DLG2: variants seen among roughly 807,000 people sequenced by gnomAD.
DLG2 encodes discs large MAGUK scaffold protein 2.
DLG2 carries 45 observed loss-of-function variants against 132.5 expected under a neutral mutation model. That is an observed-to-expected ratio of 0.34 (90% CI 0.27 to 0.44). The LOEUF (loss-of-function observed/expected upper bound fraction) is 0.44. DLG2 is among the 20% of genes least tolerant of loss of function. DLG2 has a pLI of 1.00. For synonymous variants in DLG2, 424 were observed against 419.6 expected (o/e 1.01, Z -0.13); for missense variants, 1,045 against 1,196.9 (o/e 0.87, Z 1.87).
intron 11 of DLG2, among the ~76,000 whole-genome samples, chr11:84,052,021 T>A (rs1594133927): frequency 6.6e-6 from 1 of 151,230 alleles, no homozygotes. Flanking sequence ...GAGGGGCGAG[T>A]GATGGAACCT....
chr11:84,171,458 T>G (rs2095820560), intron 8 of DLG2, among the ~76,000 whole-genome samples: 1 of 152,182 alleles, frequency 6.6e-6, no homozygotes, highest in South Asian at 2.1e-4. Context: ...TAGCTCCTAC[T>G]TATAAGTGAG....
At chr11:83,643,761 C>T (rs1371397786) in intron 18 of DLG2, 1 of 152,014 alleles carries the variant, frequency 6.6e-6, no homozygotes, top group Non-Finnish European at 1.5e-5. Context: ...TATGGAGGCT[C>T]ACAGAGGCTA....
chr11:85,509,410 G>A (rs1397226811), intron 3 of DLG2, among the ~76,000 whole-genome samples: 4 of 151,996 alleles, frequency 2.6e-5, no homozygotes, highest in Non-Finnish European at 5.9e-5. Context: ...TAAGAAGTAA[G>A]TGCCTTACTA....
intron 17 of DLG2, among the ~76,000 whole-genome samples, chr11:83,817,456 A>T (rs891452237): frequency 6.6e-6 from 1 of 152,220 alleles, no homozygotes; most frequent in Non-Finnish European, 1.5e-5. Context: ...GGACAAGTTA[A>T]GAGAAGCTAT....
rs1297275133 is a variant in DLG2 at position 84,631,047 on chromosome 11, C to G, written c.358-96316G>C. Among the ~76,000 whole-genome samples the G allele has an allele frequency of 2.0e-5, 3 of 148,996 alleles. No homozygotes were observed. In the Admixed American group the frequency reaches 2.0e-4, roughly 10 times the overall value. On this transcript the variant is annotated intron_variant, in intron 6 of 27. Coordinates refer to ENST00000376104, the MANE Select transcript of DLG2 (RefSeq NM_001142699.3). The stretch of plus-strand genomic sequence containing the variant: ...ACACACACACACACACACACACACA[C>G]ACACACACACAGAAACCACGTTTTG...
At chr11:83,526,911 C>T (rs1169175899) in intron 21 of DLG2, among the ~76,000 whole-genome samples, 1 of 152,162 alleles carries the variant, frequency 6.6e-6, no homozygotes, top group Non-Finnish European at 1.5e-5. Flanking sequence ...CACTTCCTCC[C>T]TGTAGACACT....
intron 6 of DLG2, among the ~76,000 whole-genome samples, chr11:85,027,577 G>A (rs1053431722): frequency 5.9e-5 from 9 of 152,218 alleles, no homozygotes; most frequent in African/African-American, 1.9e-4. Flanking sequence ...GAGTGTATGA[G>A]CGAATGAGCA....
chr11:84,318,946 G>T (rs1450244694), intron 7 of DLG2, among the ~76,000 whole-genome samples: 1 of 152,086 alleles, frequency 6.6e-6, no homozygotes. Context: ...AGAAATGAAG[G>T]AGTTGATACA....
intron 8 of DLG2, among the ~76,000 whole-genome samples, chr11:84,246,135 C>T (rs1371250603): frequency 1.3e-5 from 2 of 152,232 alleles, no homozygotes; most frequent in Admixed American, 6.5e-5. Flanking sequence ...CCCACTCACC[C>T]ACTTATTCGT....
chr11:83,575,080 A>G (rs1428829720), intron 19 of DLG2, among the ~76,000 whole-genome samples: 9 of 152,232 alleles, frequency 5.9e-5, no homozygotes, highest in Admixed American at 5.9e-4. Flanking sequence ...GCAAGGGTAT[A>G]TGAGATAGGT....
chr11:83,799,151 T>G (rs1174604062), intron 17 of DLG2, among the ~76,000 whole-genome samples: 1 of 152,226 alleles, frequency 6.6e-6, no homozygotes, highest in African/African-American at 2.4e-5. Flanking sequence ...CATACTTATG[T>G]GGGTAACAGG....
chr11:84,708,864 C>A (rs2060063744), intron 6 of DLG2, among the ~76,000 whole-genome samples: 1 of 151,816 alleles, frequency 6.6e-6, no homozygotes, highest in African/African-American at 2.4e-5. Context: ...TGCAGAATCC[C>A]AAGGAGCATT....
At chr11:84,396,075 T>C (rs958602305) in intron 7 of DLG2, among the ~76,000 whole-genome samples, 45 of 152,244 alleles carry the variant, frequency 3.0e-4, no homozygotes, top group African/African-American at 1.1e-3. Flanking sequence ...ATTAGGAGTT[T>C]TGAGTGTTCT....
intron 12 of DLG2, among the ~76,000 whole-genome samples, chr11:83,969,430 C>A: frequency 6.6e-6 from 1 of 152,210 alleles, no homozygotes; most frequent in South Asian, 2.1e-4. Context: ...ATACACTGAC[C>A]AGTCAAAAAA....
chr11:83,976,881 T>G (rs1363012911), intron 12 of DLG2, among the ~76,000 whole-genome samples: 1 of 151,980 alleles, frequency 6.6e-6, no homozygotes, highest in African/African-American at 2.4e-5. Flanking sequence ...ATGTGAATGA[T>G]TCTCTGTACT....
chr11:84,714,637 C>CTCTCTT (rs2060967070), intron 6 of DLG2, among the ~76,000 whole-genome samples: 9 of 141,162 alleles, frequency 6.4e-5, no homozygotes, highest in Admixed American at 3.6e-4. Context: ...CTCTCTCTCT[C>CTCTCTT]TCTCTCTCTT....
In DLG2 at chr11:85,523,648, A is replaced by G. The variant is rs186150530; in HGVS notation, c.40+75009T>C. ...TGCCAGCGAGAATGTAAATTAGTAG[A>G]ATCACCATGGAGAGCAGTTTGGAGA... On this transcript the variant is annotated intron_variant, in intron 3 of 27. Coordinates refer to ENST00000376104, the MANE Select transcript of DLG2 (RefSeq NM_001142699.3). Among the ~76,000 whole-genome samples, 36 of 152,352 alleles carry G rather than the reference A, an allele frequency of 2.4e-4. No homozygotes were observed. In the East Asian group the frequency reaches 6.8e-3, roughly 29 times the overall value.
chr11:84,592,807 C>G (rs1006433850), intron 6 of DLG2, among the ~76,000 whole-genome samples: 1 of 150,970 alleles, frequency 6.6e-6, no homozygotes, highest in Non-Finnish European at 1.5e-5. Flanking sequence ...ATTAAAAAGT[C>G]AGGAAACAGG....
intron 15 of DLG2, among the ~76,000 whole-genome samples, chr11:83,887,238 C>T (rs12293572): frequency 0.4 from 59,776 of 151,164 alleles, 12,160 homozygotes; most frequent in South Asian, 0.51. Flanking sequence ...AAGAATCAAA[C>T]AGACGCAATA....
Sources: allele counts gnomAD v4.1 joint callset (sites outside exome capture counted in the v4.1 genomes callset), GRCh38; gene constraint gnomAD v4.1.1; transcripts MANE v1.5; gene names NCBI Gene and HGNC (gene_info 2026-07-23, HGNC 2026-07-21).